PTPRQ: variants seen among roughly 807,000 people sequenced by gnomAD.
The protein encoded by PTPRQ is protein tyrosine phosphatase receptor type Q.
PTPRQ carries 199 observed loss-of-function variants against 246.0 expected under a neutral mutation model. That is an observed-to-expected ratio of 0.81 (90% CI 0.72 to 0.91). The LOEUF (loss-of-function observed/expected upper bound fraction) is 0.91. PTPRQ is among the 40% of genes least tolerant of loss of function. The pLI is 0.00. For synonymous variants in PTPRQ, 869 were observed against 853.2 expected, an observed-to-expected ratio of 1.02 and a Z score of -0.32; for missense variants, 2,624 against 2,528.4, an observed-to-expected ratio of 1.04 and a Z score of -0.81.
intron 17 of PTPRQ, 84 bp from the exon 18 acceptor site, chr12:80,533,931 T>C: frequency 3.0e-6 from 3 of 1,001,430 alleles, no homozygotes; most frequent in Non-Finnish European, 4.1e-6. Flanking sequence ...ATATTAATGT[T>C]GTTTACTTTT....
At chr12:80,538,099 A>T (rs1405299860) in intron 19 of PTPRQ, among the ~76,000 whole-genome samples, 1 of 151,818 alleles carries the variant, frequency 6.6e-6, no homozygotes, top group African/African-American at 2.4e-5. Context: ...ACAGAGTGAG[A>T]CTCTGTTTTA....
chr12:80,542,929 G>A (rs1896198468), intron 23 of PTPRQ, 48 bp downstream of exon 23: 1 of 1,239,650 alleles, frequency 8.1e-7, no homozygotes, highest in Non-Finnish European at 1.1e-6. Flanking sequence ...ATCAGAAATT[G>A]AATTAAAATC....
intron 25 of PTPRQ, among the ~76,000 whole-genome samples, chr12:80,560,249 G>C (rs1347722251): frequency 6.6e-6 from 1 of 152,186 alleles, no homozygotes; most frequent in African/African-American, 2.4e-5. Context: ...TTTTGTCAAA[G>C]AGATGAGCAG....
chr12:80,675,888 T>C (rs1018746903), intron 43 of PTPRQ, among the ~76,000 whole-genome samples: 1 of 152,186 alleles, frequency 6.6e-6, no homozygotes, highest in African/African-American at 2.4e-5. Flanking sequence ...GTTAGCCTCT[T>C]TGAGCTATGT....
chr12:80,545,233 C>G (rs1896269030), intron 23 of PTPRQ, among the ~76,000 whole-genome samples: 1 of 151,940 alleles, frequency 6.6e-6, no homozygotes, highest in African/African-American at 2.4e-5. Context: ...TTACATGTGT[C>G]TATAATCTCC....
At chr12:80,485,610 G>A (rs778440506) in intron 9 of PTPRQ, among the ~76,000 whole-genome samples, 8 of 152,132 alleles carry the variant, frequency 5.3e-5, no homozygotes, top group Non-Finnish European at 8.8e-5. Context: ...ACTCCAAGTT[G>A]CTCACCATCT....
At chr12:80,466,127 CT>C (rs1181888218) in intron 6 of PTPRQ, among the ~76,000 whole-genome samples, 2 of 152,184 alleles carry the variant, frequency 1.3e-5, no homozygotes, top group Admixed American at 6.5e-5. Context: ...AGCCCAAAAT[CT>C]CCTTAAGCTG....
rs1008484593 is a variant in PTPRQ at position 80,506,634 on chromosome 12, C to T, written c.2521C>T (p.Arg841Trp). 1.6e-5 allele frequency: 25 copies of T among 1,543,678 alleles called. No homozygotes were observed. Among genetic ancestry groups the T allele is most frequent in the Admixed American group, 5.9e-5 (3 of 50,580 alleles). ...TAGTACACTCAAAGGTGAAGGAGTT[C>T]GGAGTGCTCCCATAAGTATACTGAC... The part of the protein sequence containing the change: ...SASTLKGEGV[R>W]SAPISILTEE... The change falls in exon 16 of 45, where the codon CGG becomes TGG. Residue 841 changes from arginine (R) to tryptophan (W), a missense_variant. Arg to Trp is a moderately radical substitution (Grantham distance 101). Transcript: ENST00000644991.
At chr12:80,625,164 A>C (rs111445668) in intron 33 of PTPRQ, among the ~76,000 whole-genome samples, 15 of 152,322 alleles carry the variant, frequency 9.8e-5, no homozygotes, top group African/African-American at 3.6e-4. Context: ...GGCAAATAAT[A>C]AAGTGCATTC....
chr12:80,606,807 G>A (rs568141193), intron 27 of PTPRQ, among the ~76,000 whole-genome samples: 14 of 150,948 alleles, frequency 9.3e-5, no homozygotes, highest in African/African-American at 2.7e-4. Context: ...TATTTGTGAA[G>A]ATTTTAGTAT....
chr12:80,600,311 AT>A (rs1898101186), intron 26 of PTPRQ, among the ~76,000 whole-genome samples: 1 of 151,710 alleles, frequency 6.6e-6, no homozygotes, highest in Non-Finnish European at 1.5e-5. Context: ...GATTGCTAGT[AT>A]TAAAGGAATG....
chr12:80,655,937 C>G (rs1018625988), intron 38 of PTPRQ, among the ~76,000 whole-genome samples: 10 of 152,136 alleles, frequency 6.6e-5, no homozygotes, highest in Non-Finnish European at 1.0e-4. Flanking sequence ...GCAGCAAATA[C>G]TTGCAGAAGA....
chr12:80,458,361 G>A (rs569241942), intron 4 of PTPRQ, among the ~76,000 whole-genome samples: 99 of 152,140 alleles, frequency 6.5e-4, no homozygotes, highest in East Asian at 3.7e-3. Context: ...CAGCTGTCCT[G>A]AAGTCCCTTA....
At chr12:80,477,872 G>C (rs1400501396) in intron 8 of PTPRQ, among the ~76,000 whole-genome samples, 2 of 152,216 alleles carry the variant, frequency 1.3e-5, no homozygotes, top group African/African-American at 4.8e-5. Flanking sequence ...CTGGCTCGGA[G>C]GGTCCTACGC....
At chr12:80,544,484 C>T (rs1318700093) in intron 23 of PTPRQ, among the ~76,000 whole-genome samples, 2 of 152,022 alleles carry the variant, frequency 1.3e-5, no homozygotes, top group Non-Finnish European at 2.9e-5. Flanking sequence ...GCAAAAATAC[C>T]ATCTTTATAC....
chr12:80,624,549 G>A (rs1021840634), intron 33 of PTPRQ, among the ~76,000 whole-genome samples: 5 of 152,170 alleles, frequency 3.3e-5, no homozygotes, highest in Non-Finnish European at 5.9e-5. Flanking sequence ...GTTTGTAATC[G>A]TTAGTTGTAG....
At chr12:80,532,865 T>C (rs923082924) in intron 17 of PTPRQ, among the ~76,000 whole-genome samples, 1 of 152,192 alleles carries the variant, frequency 6.6e-6, no homozygotes, top group African/African-American at 2.4e-5. Context: ...AAAACTTATA[T>C]TTGGAATAAC....
chr12:80,519,179 A>C (rs937635646), intron 17 of PTPRQ, among the ~76,000 whole-genome samples: 1 of 151,982 alleles, frequency 6.6e-6, no homozygotes, highest in African/African-American at 2.4e-5. Context: ...AGTTTTTATT[A>C]TAGAGAACTT....
intron 18 of PTPRQ, among the ~76,000 whole-genome samples, chr12:80,534,608 A>G (rs1895934884): frequency 6.6e-6 from 1 of 152,038 alleles, no homozygotes; most frequent in South Asian, 2.1e-4. Flanking sequence ...GAAACCTGTT[A>G]TAATATTGTT....
Sources: allele counts gnomAD v4.1 joint callset (sites outside exome capture counted in the v4.1 genomes callset), GRCh38; gene constraint gnomAD v4.1.1; transcripts MANE v1.5; gene names NCBI Gene and HGNC (gene_info 2026-07-23, HGNC 2026-07-21).